KLHL13: variants seen among roughly 807,000 people sequenced by gnomAD.
KLHL13 encodes kelch-like protein 13.
In KLHL13, 10 loss-of-function variants were observed where a neutral mutation model predicts 37.1. The observed-to-expected ratio is 0.27, with a 90% CI of 0.17 to 0.46. KLHL13 has a LOEUF of 0.46. KLHL13 is among the 20% of genes least tolerant of loss of function. The pLI is 1.00. For synonymous variants in KLHL13, 163 were observed against 181.2 expected (o/e 0.90, Z 0.81); for missense variants, 360 against 509.3 (o/e 0.71, Z 2.82).
chrX:118,059,794 C>A (rs1340687542), intron 1 of KLHL13, among the ~76,000 whole-genome samples: 1 of 110,973 alleles, frequency 9.0e-6, no homozygotes, highest in Non-Finnish European at 1.9e-5. Context: ...CAGATGATGA[C>A]CCTTCCATTC....
chrX:118,017,650 C>G (rs1326255490), intron 1 of KLHL13, among the ~76,000 whole-genome samples: 1 of 111,219 alleles, frequency 9.0e-6, no homozygotes, highest in Non-Finnish European at 1.9e-5. Context: ...TCAGTAGCAC[C>G]CCATATGTCC....
At chrX:118,002,045 C>A (rs972996795) in intron 1 of KLHL13, among the ~76,000 whole-genome samples, 11 of 110,925 alleles carry the variant, frequency 9.9e-5, no homozygotes, top group Non-Finnish European at 2.1e-4. Flanking sequence ...GAATCAAGTG[C>A]GGTAACAGTT....
intron 1 of KLHL13, among the ~76,000 whole-genome samples, chrX:118,026,246 A>G (rs1428788602): frequency 1.8e-5 from 2 of 111,928 alleles, no homozygotes; most frequent in Non-Finnish European, 3.8e-5. Context: ...CAAATACTAC[A>G]TTTTCAAAAT....
At chrX:117,899,863 T>G (rs1289654935) in intron 6 of KLHL13, among the ~76,000 whole-genome samples, 1 of 112,135 alleles carries the variant, frequency 8.9e-6, no homozygotes, top group Non-Finnish European at 1.9e-5. Context: ...ACTCTAGTTA[T>G]TGCATCAGGA....
intron 1 of KLHL13, among the ~76,000 whole-genome samples, chrX:118,106,327 CAG>C (rs2055346419): frequency 9.0e-6 from 1 of 111,001 alleles, no homozygotes; most frequent in Non-Finnish European, 1.9e-5. Context: ...CAGGAATAAA[CAG>C]AATAAGAACA....
At chrX:117,960,301 A>C (rs980266695) in intron 1 of KLHL13, among the ~76,000 whole-genome samples, 2 of 110,849 alleles carry the variant, frequency 1.8e-5, no homozygotes, top group Admixed American at 1.9e-4. Context: ...AATGTCTAGA[A>C]AGTTTGGTAA....
intron 1 of KLHL13, among the ~76,000 whole-genome samples, chrX:118,015,924 G>T (rs906761024): frequency 9.0e-6 from 1 of 110,785 alleles, no homozygotes; most frequent in Non-Finnish European, 1.9e-5. Flanking sequence ...TTATTGCCAC[G>T]CTTACTTCAC....
chrX:118,095,736 C>T (rs1481368663), intron 1 of KLHL13, among the ~76,000 whole-genome samples: 1 of 112,232 alleles, frequency 8.9e-6, no homozygotes, highest in African/African-American at 3.2e-5. Flanking sequence ...GATTAAGAAA[C>T]TCATTCAAAA....
intron 1 of KLHL13, among the ~76,000 whole-genome samples, chrX:118,032,974 T>A (rs1376427967): frequency 9.0e-6 from 1 of 110,984 alleles, no homozygotes; most frequent in African/African-American, 3.3e-5. Flanking sequence ...TGCGATCAAA[T>A]GGAAGAAAGG....
At chrX:118,113,442 G>C (rs1234193731) in intron 1 of KLHL13, among the ~76,000 whole-genome samples, 1 of 112,096 alleles carries the variant, frequency 8.9e-6, no homozygotes, top group African/African-American at 3.2e-5. Flanking sequence ...CTATTTATCG[G>C]TTATTGAGCT....
At chrX:117,923,174 T>C (rs968787537) in intron 2 of KLHL13, among the ~76,000 whole-genome samples, 4 of 112,181 alleles carry the variant, frequency 3.6e-5, no homozygotes, top group Non-Finnish European at 7.5e-5. Context: ...ATTAACTTCC[T>C]TGTACATACA....
At chrX:117,908,515 T>C (rs1047662042) in intron 5 of KLHL13, among the ~76,000 whole-genome samples, 15 of 111,064 alleles carry the variant, frequency 1.4e-4, no homozygotes. Context: ...GACAAATATA[T>C]GTCACAACAT....
At chrX:118,027,834 C>A (rs1460161455) in intron 1 of KLHL13, among the ~76,000 whole-genome samples, 1 of 111,594 alleles carries the variant, frequency 9.0e-6, no homozygotes, top group Non-Finnish European at 1.9e-5. Context: ...AGCCAGGATA[C>A]AGACAACTCA....
chrX:117,907,304 C>T (rs1048696231), intron 5 of KLHL13, among the ~76,000 whole-genome samples: 6 of 110,791 alleles, frequency 5.4e-5, no homozygotes, highest in African/African-American at 2.0e-4. Context: ...CTCTCCTTGG[C>T]CTGAAGATTA....
At chrX:118,070,354 C>A (rs1230685349) in intron 1 of KLHL13, among the ~76,000 whole-genome samples, 2 of 112,413 alleles carry the variant, frequency 1.8e-5, no homozygotes, top group Non-Finnish European at 3.8e-5. Flanking sequence ...ATTAGGATTT[C>A]TTTCACCCCA....
chrX:118,073,992 A>C (rs1031577184), intron 1 of KLHL13, among the ~76,000 whole-genome samples: 1 of 112,311 alleles, frequency 8.9e-6, no homozygotes, highest in East Asian at 2.8e-4. Flanking sequence ...ACTAATTTGT[A>C]GCAAAGTAGA....
chrX:118,073,823 G>A (rs1437940062), intron 1 of KLHL13, among the ~76,000 whole-genome samples: 1 of 111,369 alleles, frequency 9.0e-6, no homozygotes, highest in Non-Finnish European at 1.9e-5. Context: ...GCCAGTAACT[G>A]TCATGTGAGC....
intron 1 of KLHL13, among the ~76,000 whole-genome samples, chrX:118,069,147 A>C (rs763670125): frequency 4.5e-4 from 48 of 105,603 alleles, no homozygotes; most frequent in South Asian, 1.3e-3. Context: ...ACACACACAC[A>C]CCCTCACCTG....
chrX:118,030,334 A>T (rs2054323357), intron 1 of KLHL13, among the ~76,000 whole-genome samples: 1 of 111,910 alleles, frequency 8.9e-6, no homozygotes, highest in Admixed American at 9.5e-5. Flanking sequence ...AGAATTTGAG[A>T]TGTTAAAATT....
Sources: allele counts gnomAD v4.1 joint callset (sites outside exome capture counted in the v4.1 genomes callset), GRCh38; gene constraint gnomAD v4.1.1; transcripts MANE v1.5; gene names NCBI Gene and HGNC (gene_info 2026-07-23, HGNC 2026-07-21).